The following GPC5 variants were observed in gnomAD, a reference collection of about 807,000 sequenced individuals.
GPC5 encodes the protein glypican-5.
GPC5 carries 47 observed loss-of-function variants against 53.9 expected under a neutral mutation model. The ratio of observed to expected loss-of-function variants is 0.87; its 90% CI spans 0.69 to 1.11. The LOEUF (loss-of-function observed/expected upper bound fraction) is 1.11. Among genes scored for constraint, GPC5 ranks in the 50% most tolerant of loss-of-function variants. GPC5 has a pLI of 0.00. For synonymous variants in GPC5, 286 were observed against 263.3 expected, an observed-to-expected ratio of 1.09 and a Z score of -0.84; for missense variants, 748 against 713.1, an observed-to-expected ratio of 1.05 and a Z score of -0.56.
chr13:92,204,003 A>G (rs377428502), intron 7 of GPC5, among the ~76,000 whole-genome samples: 2 of 152,236 alleles, frequency 1.3e-5, no homozygotes, highest in African/African-American at 4.8e-5. Flanking sequence ...GTGGTTTAAC[A>G]TCTTTAAAAT....
chr13:92,722,948 G>A (rs1451943984), intron 7 of GPC5, among the ~76,000 whole-genome samples: 1 of 151,742 alleles, frequency 6.6e-6, no homozygotes, highest in East Asian at 1.9e-4. Context: ...TAAACTTTGA[G>A]TTTATACAAA....
chr13:92,240,504 T>C (rs1258932926), intron 7 of GPC5: 1 of 152,118 alleles, frequency 6.6e-6, no homozygotes, highest in Non-Finnish European at 1.5e-5. Flanking sequence ...ATCTTTTTGT[T>C]TTGTTGTGTT....
chr13:91,780,264 G>T (rs1052448381), intron 5 of GPC5, among the ~76,000 whole-genome samples: 3 of 152,076 alleles, frequency 2.0e-5, no homozygotes, highest in Non-Finnish European at 4.4e-5. Context: ...CCAGCTCCAT[G>T]ACTTTGAGCT....
chr13:91,830,771 T>G (rs2038643217), intron 5 of GPC5, among the ~76,000 whole-genome samples: 1 of 125,820 alleles, frequency 7.9e-6, no homozygotes, highest in African/African-American at 2.7e-5. Flanking sequence ...TATCCTATTA[T>G]ATATAAAATA....
At chr13:92,297,273 C>T (rs1197011839) in intron 7 of GPC5, among the ~76,000 whole-genome samples, 1 of 151,488 alleles carries the variant, frequency 6.6e-6, no homozygotes, top group African/African-American at 2.4e-5. Context: ...CGTGGAGAAC[C>T]TTTATATCTA....
intron 6 of GPC5, among the ~76,000 whole-genome samples, chr13:91,959,330 C>T (rs1334334489): frequency 1.7e-5 from 2 of 117,906 alleles, no homozygotes; most frequent in Non-Finnish European, 3.5e-5. Flanking sequence ...TACATACAAA[C>T]TATTAACACT....
Position 92,162,689 on chromosome 13 carries a change from C to G in GPC5, c.1561+17700C>G, listed in dbSNP as rs149943538. ...ATATACAATGTAGGCTGGGGACTGG[C>G]ATGAGCCAACTCATGTATTAAAACC... On this transcript the variant is annotated intron_variant, in intron 7 of 7. Coordinates refer to ENST00000377067, the MANE Select transcript of GPC5 (RefSeq NM_004466.6). Among the ~76,000 whole-genome samples the G allele has an allele frequency of 2.3e-3, 347 of 152,282 alleles. 4 individuals carry two copies. The highest frequency in any genetic ancestry group is 8.2e-3 in the African/African-American group (339 of 41,556).
At chr13:91,412,137 C>G (rs925396776) in intron 1 of GPC5, among the ~76,000 whole-genome samples, 1 of 152,226 alleles carries the variant, frequency 6.6e-6, no homozygotes, top group Admixed American at 6.5e-5. Flanking sequence ...TAATCCCCAC[C>G]TACGCTGTCA....
At chr13:91,758,240 A>G (rs992390792) in intron 5 of GPC5, among the ~76,000 whole-genome samples, 2 of 152,082 alleles carry the variant, frequency 1.3e-5, no homozygotes, top group Non-Finnish European at 2.9e-5. Flanking sequence ...ATTCATGTCA[A>G]CATTTCTGCT....
chr13:91,581,738 G>A (rs1359190015), intron 2 of GPC5, among the ~76,000 whole-genome samples: 1 of 151,838 alleles, frequency 6.6e-6, no homozygotes, highest in Non-Finnish European at 1.5e-5. Context: ...TCAGTGTAAC[G>A]ACTTCTCAAT....
At chr13:92,793,515 G>A (rs900151747) in intron 7 of GPC5, among the ~76,000 whole-genome samples, 2 of 151,908 alleles carry the variant, frequency 1.3e-5, no homozygotes, top group Non-Finnish European at 2.9e-5. Context: ...GCTACCAGAA[G>A]GCAAGAAATA....
chr13:92,299,731 T>A (rs2043062382), intron 7 of GPC5, among the ~76,000 whole-genome samples: 1 of 152,214 alleles, frequency 6.6e-6, no homozygotes, highest in Admixed American at 6.5e-5. Context: ...GTTGTCATCC[T>A]ATGTATCTAA....
intron 6 of GPC5, among the ~76,000 whole-genome samples, chr13:92,004,489 T>TATATATATATAAAA (rs1440395882): frequency 8.1e-6 from 1 of 122,740 alleles, no homozygotes; most frequent in African/African-American, 3.5e-5. Flanking sequence ...TATATATATA[T>TATATATATATAAAA]AATTACACTA....
intron 3 of GPC5, among the ~76,000 whole-genome samples, chr13:91,727,248 C>T (rs1278905660): frequency 6.6e-6 from 1 of 152,100 alleles, no homozygotes; most frequent in Non-Finnish European, 1.5e-5. Flanking sequence ...CTCAACATAT[C>T]CAGGCTCAAC....
At position 92,656,322 on chromosome 13, in the gene GPC5, G is replaced by A. The variant is rs1242702724; in HGVS notation, c.1562-209960G>A. Among the ~76,000 whole-genome samples the A allele has an allele frequency of 3.3e-5, 5 of 152,290 alleles. No homozygotes were observed. In the East Asian group the frequency reaches 5.8e-4, roughly 18 times the overall value. ...AATGAAAAGACACAGTGAAAAAAATGGATGAATTAAAAGGATGTTTAAGTG... is the reference window on the plus strand; with the variant it reads ...AATGAAAAGACACAGTGAAAAAAATAGATGAATTAAAAGGATGTTTAAGTG... On this transcript the variant is annotated intron_variant, in intron 7 of 7. Coordinates refer to ENST00000377067, the MANE Select transcript of GPC5 (RefSeq NM_004466.6).
chr13:91,866,041 A>G (rs2039080649), intron 5 of GPC5, among the ~76,000 whole-genome samples: 1 of 151,988 alleles, frequency 6.6e-6, no homozygotes, highest in Non-Finnish European at 1.5e-5. Flanking sequence ...CTAATTTTGT[A>G]TTTTTAGTAG....
intron 7 of GPC5, among the ~76,000 whole-genome samples, chr13:92,599,816 TA>T (rs58722448): frequency 0.98 from 148,986 of 151,950 alleles, 73,119 homozygotes; most frequent in East Asian, 1. Context: ...TTTTTTTTTG[TA>T]AAAAAAAATT....
chr13:91,763,467 G>A (rs575091022), intron 5 of GPC5, among the ~76,000 whole-genome samples: 1 of 152,226 alleles, frequency 6.6e-6, no homozygotes, highest in African/African-American at 2.4e-5. Flanking sequence ...CCTGCCCAAA[G>A]TCAAAAGTCT....
chr13:91,858,257 G>A (rs2038988582), intron 5 of GPC5, among the ~76,000 whole-genome samples: 2 of 151,876 alleles, frequency 1.3e-5, no homozygotes, highest in South Asian at 4.1e-4. Context: ...GGTCTTAGAG[G>A]AAAGGCTTTC....
Sources: gnomAD v4.1 joint callset for allele counts (sites outside exome capture counted in the v4.1 genomes callset) on GRCh38, gnomAD v4.1.1 for gene constraint, MANE v1.5 for transcripts, NCBI Gene and HGNC (gene_info 2026-07-23, HGNC 2026-07-21) for gene names.